The following SCOC variants were observed in gnomAD, a reference collection of about 807,000 sequenced individuals.
The protein encoded by SCOC is short coiled coil protein.
In SCOC, 7 loss-of-function variants were observed where a neutral mutation model predicts 9.9. That is an observed-to-expected ratio of 0.71 (90% confidence interval 0.40 to 1.33). The LOEUF (loss-of-function observed/expected upper bound fraction) is 1.33. Among genes scored for constraint, SCOC ranks in the 40% most tolerant of loss-of-function variants. The pLI, the probability that SCOC is intolerant of heterozygous loss-of-function variation, is 0.01. For synonymous variants in SCOC, 19 were observed against 28.2 expected, an observed-to-expected ratio of 0.67 and a Z score of 1.03; for missense variants, 66 against 89.7, an observed-to-expected ratio of 0.74 and a Z score of 1.07.
chr4:140,269,382 G>A (rs536020803), intron 1 of SCOC, among the ~76,000 whole-genome samples: 33 of 152,146 alleles, frequency 2.2e-4, no homozygotes, highest in African/African-American at 6.7e-4. Flanking sequence ...ACACTCTTTC[G>A]TAGAGCCCTA....
chr4:140,380,480 G>C (rs746819475), intron 3 of SCOC, among the ~76,000 whole-genome samples: 1 of 151,866 alleles, frequency 6.6e-6, no homozygotes, highest in Non-Finnish European at 1.5e-5. Context: ...TTACAGGTGC[G>C]AGCCACCGTG....
intron 1 of SCOC, among the ~76,000 whole-genome samples, chr4:140,377,041 C>G (rs1004401478): frequency 1.3e-5 from 2 of 152,216 alleles, no homozygotes; most frequent in Non-Finnish European, 2.9e-5. Context: ...TTAGCAAAGA[C>G]AGATGCCAAA....
intron 1 of SCOC, chr4:140,291,436 C>G (rs1287308249): frequency 2.2e-6 from 1 of 457,174 alleles, no homozygotes; most frequent in Admixed American, 2.3e-5. Flanking sequence ...GTATAGCAAC[C>G]TCTTGTCATC....
chr4:140,322,735 T>C (rs1016677214), intron 1 of SCOC, among the ~76,000 whole-genome samples: 1 of 152,124 alleles, frequency 6.6e-6, no homozygotes, highest in Non-Finnish European at 1.5e-5. Context: ...AACATAAACA[T>C]TCAGAAAATC....
chr4:140,335,914 A>C lies in SCOC; in HGVS notation c.-18-7707A>C, dbSNP rs532877422. Among the ~76,000 whole-genome samples, 7 of 152,234 alleles carry C rather than the reference A, an allele frequency of 4.6e-5. No individual in the cohort carries two copies. In the South Asian group the frequency reaches 1.0e-3, roughly 23 times the overall value. ...CACATTTATATCTCACTGCCCACTT[A>C]AAAAATGAGATTTATTATATATTCA... On this transcript the variant is annotated intron_variant, in intron 1 of 4. Coordinates refer to the SCOC transcript ENST00000394205.
At chr4:140,349,449 G>A (rs1374442348) in intron 2 of SCOC, among the ~76,000 whole-genome samples, 2 of 152,094 alleles carry the variant, frequency 1.3e-5, no homozygotes, top group Admixed American at 1.3e-4. Context: ...TGACTGCAGA[G>A]GAAACTATTT....
chr4:140,334,705 A>C (rs904220051), intron 1 of SCOC, among the ~76,000 whole-genome samples: 1 of 152,190 alleles, frequency 6.6e-6, no homozygotes, highest in Non-Finnish European at 1.5e-5. Flanking sequence ...TTCATCTTGC[A>C]TACCTATGAC....
At position 140,329,507 on chromosome 4, in the gene SCOC, A is replaced by G. The variant is rs553408095; in HGVS notation, c.-18-14114A>G. On this transcript the variant is annotated intron_variant, in intron 1 of 4. Coordinates refer to the SCOC transcript ENST00000394205. ...GCTAAAGAAATAAGCAGAAGAGTTAACAGACAATCCTTAGAGTGGGAGAAA... is the reference window on the plus strand; with the variant it reads ...GCTAAAGAAATAAGCAGAAGAGTTAGCAGACAATCCTTAGAGTGGGAGAAA... Among the ~76,000 whole-genome samples, 5 of 152,380 alleles carry G rather than the reference A, an allele frequency of 3.3e-5. No homozygotes were observed. In the Middle Eastern group the frequency reaches 0.014, roughly 415 times the overall value.
At chr4:140,363,707 T>C (rs546155185) in intron 2 of SCOC, among the ~76,000 whole-genome samples, 11 of 152,350 alleles carry the variant, frequency 7.2e-5, no homozygotes, top group African/African-American at 2.2e-4. Flanking sequence ...GCTGTGAGCT[T>C]AAGTGCTGTG....
chr4:140,358,227 CT>C (rs1727316623), intron 2 of SCOC, among the ~76,000 whole-genome samples: 1 of 152,168 alleles, frequency 6.6e-6, no homozygotes, highest in Non-Finnish European at 1.5e-5. Context: ...AAAAAGAAAT[CT>C]TTGGCTCAGA....
chr4:140,285,047 G>A (rs1193757038), intron 1 of SCOC: 2 of 390,816 alleles, frequency 5.1e-6, no homozygotes, highest in South Asian at 1.9e-5. Context: ...CAGCCATTGT[G>A]TTAAAAGCTT....
At chr4:140,258,365 G>C (rs1730556142) in intron 1 of SCOC, among the ~76,000 whole-genome samples, 1 of 152,194 alleles carries the variant, frequency 6.6e-6, no homozygotes, top group Non-Finnish European at 1.5e-5. Flanking sequence ...GGTTCTCCTT[G>C]AGGCCAGCTT....
chr4:140,301,423 A>G (rs1003699629), intron 1 of SCOC, among the ~76,000 whole-genome samples: 8 of 152,056 alleles, frequency 5.3e-5, no homozygotes, highest in African/African-American at 1.7e-4. Context: ...ATTCCAACAC[A>G]CTCTTCACTG....
chr4:140,360,224 T>A (rs1727402810), intron 2 of SCOC, among the ~76,000 whole-genome samples: 1 of 152,178 alleles, frequency 6.6e-6, no homozygotes, highest in South Asian at 2.1e-4. Flanking sequence ...AATAAAGAAG[T>A]AAATTTTGTG....
chr4:140,316,637 G>A (rs996662544), intron 1 of SCOC, among the ~76,000 whole-genome samples: 5 of 152,006 alleles, frequency 3.3e-5, no homozygotes, highest in African/African-American at 1.2e-4. Context: ...AATCACCTGG[G>A]GATTTATTCA....
chr4:140,362,301 T>TCTTCTTCTTCTCCTCTTCTTC, intron 2 of SCOC, among the ~76,000 whole-genome samples: 1 of 29,410 alleles, frequency 3.4e-5, no homozygotes, highest in Non-Finnish European at 7.4e-5. Flanking sequence ...TTCTTCTTCT[T>TCTTCTTCTTCTCCTCTTCTTC]TTTTTTTTTT....
At chr4:140,329,430 A>G (rs1439566199) in intron 1 of SCOC, among the ~76,000 whole-genome samples, 1 of 152,236 alleles carries the variant, frequency 6.6e-6, no homozygotes, top group African/African-American at 2.4e-5. Context: ...CAAATGCAAC[A>G]AAAACAAAAA....
intron 1 of SCOC, among the ~76,000 whole-genome samples, chr4:140,337,243 T>C (rs1008974161): frequency 6.6e-6 from 1 of 152,234 alleles, no homozygotes; most frequent in Non-Finnish European, 1.5e-5. Context: ...TTAATTTTTA[T>C]GAAGTCCAAT....
At chr4:140,335,987 G>C (rs1732946147) in intron 1 of SCOC, among the ~76,000 whole-genome samples, 2 of 152,072 alleles carry the variant, frequency 1.3e-5, no homozygotes, top group African/African-American at 2.4e-5. Flanking sequence ...AGGGAAGATT[G>C]TTTCAATAAT....
Sources: gnomAD v4.1 joint callset for allele counts (sites outside exome capture counted in the v4.1 genomes callset) on GRCh38, gnomAD v4.1.1 for gene constraint, MANE v1.5 for transcripts, NCBI Gene and HGNC (gene_info 2026-07-23, HGNC 2026-07-21) for gene names.